EPB41L4A: variants seen among roughly 807,000 people sequenced by gnomAD.
EPB41L4A encodes erythrocyte membrane protein band 4.1 like 4A, also known as band 4.1-like protein 4A.
A neutral mutation model predicts 108.6 loss-of-function variants in EPB41L4A; 100 were observed. That is an observed-to-expected ratio of 0.92 (90% CI 0.78 to 1.09). EPB41L4A has a LOEUF of 1.09. Ranked by LOEUF, EPB41L4A falls within the 50% of genes least tolerant of loss-of-function variation. The pLI is 0.00. For missense variants in EPB41L4A, 1,030 were observed against 842.7 expected (o/e 1.22, Z -2.75); for synonymous variants, 319 against 289.0 (o/e 1.10, Z -1.05).
At chr5:112,419,411 A>T (rs1762945692), upstream of EPB41L4A, 1 of 356,624 alleles carries the variant, frequency 2.8e-6, no homozygotes, top group Admixed American at 3.8e-5. Flanking sequence ...GACCAGAAAA[A>T]GGAGTGATGG....
intron 2 of EPB41L4A, among the ~76,000 whole-genome samples, chr5:112,289,376 G>A (rs373976848): frequency 1.3e-5 from 2 of 152,248 alleles, no homozygotes; most frequent in Middle Eastern, 3.4e-3. Context: ...AGGAATCCAG[G>A]AGCCTAAGTA....
At chr5:112,314,460 G>T (rs1261496769) in intron 1 of EPB41L4A, among the ~76,000 whole-genome samples, 1 of 130,176 alleles carries the variant, frequency 7.7e-6, no homozygotes, top group African/African-American at 2.9e-5. Flanking sequence ...CTGAGGTCAG[G>T]AGTTCGACAC....
At chr5:112,165,729 C>T (rs1760205273) in intron 22 of EPB41L4A, among the ~76,000 whole-genome samples, 1 of 152,178 alleles carries the variant, frequency 6.6e-6, no homozygotes, top group African/African-American at 2.4e-5. Flanking sequence ...CTAACATTGT[C>T]AGTGTATCAG....
chr5:112,320,685 C>A (rs1273788602), intron 1 of EPB41L4A, among the ~76,000 whole-genome samples: 4 of 152,128 alleles, frequency 2.6e-5, no homozygotes, highest in Non-Finnish European at 5.9e-5. Context: ...TTTCCACTGA[C>A]GTATTTAAGA....
chr5:112,407,357 T>G (rs763306351), intron 1 of EPB41L4A, among the ~76,000 whole-genome samples: 2 of 152,212 alleles, frequency 1.3e-5, no homozygotes, highest in Non-Finnish European at 2.9e-5. Context: ...TGTAGTTCAA[T>G]TCCACAAAGC....
chr5:112,365,913 C>T (rs1239123569), intron 1 of EPB41L4A, among the ~76,000 whole-genome samples: 6 of 152,160 alleles, frequency 3.9e-5, no homozygotes, highest in African/African-American at 1.2e-4. Context: ...GCAAGGATCT[C>T]TGATAAGACA....
chr5:112,236,265 G>C (rs1749323600), intron 11 of EPB41L4A, among the ~76,000 whole-genome samples: 1 of 152,112 alleles, frequency 6.6e-6, no homozygotes, highest in South Asian at 2.1e-4. Context: ...TCTGCCATAG[G>C]CTATACAGGA....
intron 9 of EPB41L4A, chr5:112,249,604 T>C (rs1323202966): frequency 6.6e-6 from 1 of 152,216 alleles, no homozygotes; most frequent in Non-Finnish European, 1.5e-5. Flanking sequence ...CTAGGCATCC[T>C]GAGTTTCCAC....
chr5:112,345,649 T>C (rs943883295), intron 1 of EPB41L4A, among the ~76,000 whole-genome samples: 1 of 152,032 alleles, frequency 6.6e-6, no homozygotes, highest in African/African-American at 2.4e-5. Flanking sequence ...CACCACAGAA[T>C]GTTACCTAAT....
chr5:112,353,112 C>T (rs578133632), intron 1 of EPB41L4A, among the ~76,000 whole-genome samples: 7 of 152,270 alleles, frequency 4.6e-5, no homozygotes, highest in Admixed American at 4.6e-4. Context: ...ATGTCTGATT[C>T]CTCAGTGGCT....
intron 1 of EPB41L4A, among the ~76,000 whole-genome samples, chr5:112,387,388 A>G (rs1432161526): frequency 6.6e-6 from 1 of 152,208 alleles, no homozygotes; most frequent in East Asian, 1.9e-4. Flanking sequence ...GCACTTTGGG[A>G]GGCCGAGGCG....
In EPB41L4A at chr5:112,243,406, C is replaced by T. The variant is rs115046082; in HGVS notation, c.796-2596G>A. ...CAGTTAGCATCATTTGTATAGAACC[C>T]AGAATTTTCTGAATGGTAAATGAAT... On this transcript the variant is annotated intron_variant, in intron 9 of 22. Coordinates refer to ENST00000261486, the MANE Select transcript of EPB41L4A (RefSeq NM_022140.5). 5.1e-3 allele frequency among the ~76,000 whole-genome samples: 772 copies of T among 152,052 alleles called. 4 individuals are homozygous for T. The highest frequency in any genetic ancestry group is 8.9e-3 in the African/African-American group (369 of 41,492).
chr5:112,259,820 T>A, intron 8 of EPB41L4A, 71 bp downstream of exon 8: 1 of 1,102,350 alleles, frequency 9.1e-7, no homozygotes, highest in Non-Finnish European at 1.4e-6. Context: ...TTTCCCCAAC[T>A]CTTTCACTGA....
chr5:112,279,083 A>AT (rs1205933962), intron 3 of EPB41L4A, among the ~76,000 whole-genome samples: 1 of 151,752 alleles, frequency 6.6e-6, no homozygotes, highest in African/African-American at 2.4e-5. Flanking sequence ...AAAAAAAAAA[A>AT]AAATCATTCC....
At chr5:112,303,735 G>A (rs1185324716) in intron 2 of EPB41L4A, among the ~76,000 whole-genome samples, 3 of 152,104 alleles carry the variant, frequency 2.0e-5, no homozygotes, top group Non-Finnish European at 2.9e-5. Flanking sequence ...TTTCAGTGAT[G>A]TGATCGGGAA....
At chr5:112,372,017 C>G (rs1759526953) in intron 1 of EPB41L4A, among the ~76,000 whole-genome samples, 1 of 152,062 alleles carries the variant, frequency 6.6e-6, no homozygotes, top group African/African-American at 2.4e-5. Flanking sequence ...AAGCAAGACC[C>G]TACTTCTGAA....
At chr5:112,359,297 A>G (rs981898911) in intron 1 of EPB41L4A, among the ~76,000 whole-genome samples, 4 of 152,238 alleles carry the variant, frequency 2.6e-5, no homozygotes, top group Non-Finnish European at 4.4e-5. Flanking sequence ...CAACAAAGGT[A>G]AAGAACACAA....
chr5:112,143,218 T>C (rs972039002), exon 14 of EPB41L4A: 1 of 152,198 alleles, frequency 6.6e-6, no homozygotes, highest in Non-Finnish European at 1.5e-5. Flanking sequence ...AAACAAATTA[T>C]TGTTTCAAGC....
chr5:112,222,017 A>G (rs1200071708), intron 12 of EPB41L4A, among the ~76,000 whole-genome samples: 2 of 152,202 alleles, frequency 1.3e-5, no homozygotes, highest in African/African-American at 4.8e-5. Flanking sequence ...ACACCTGACT[A>G]TATGGTCTAC....
Sources: allele counts gnomAD v4.1 joint callset (sites outside exome capture counted in the v4.1 genomes callset), GRCh38; gene constraint gnomAD v4.1.1; transcripts MANE v1.5; gene names NCBI Gene and HGNC (gene_info 2026-07-23, HGNC 2026-07-21).